MICAL3: variants seen among roughly 807,000 people sequenced by gnomAD.
MICAL3 encodes the protein [F-actin]-monooxygenase MICAL3.
Under a neutral mutation model 207.4 loss-of-function variants are expected in MICAL3, and 62 were observed. The ratio of observed to expected loss-of-function variants is 0.30; its 90% CI spans 0.24 to 0.37. The LOEUF is 0.37. Among genes scored for constraint, MICAL3 ranks in the 10% least tolerant of loss-of-function variants. The pLI, the probability that MICAL3 is intolerant of heterozygous loss-of-function variation, is 1.00. For synonymous variants in MICAL3, 1,077 were observed against 1,069.3 expected (o/e 1.01, Z -0.14); for missense variants, 2,368 against 2,635.6 (o/e 0.90, Z 2.22).
intron 1 of MICAL3, among the ~76,000 whole-genome samples, chr22:17,935,761 C>T (rs1933487273): frequency 6.6e-6 from 1 of 152,108 alleles, no homozygotes; most frequent in African/African-American, 2.4e-5. Context: ...AAAAAGTGGG[C>T]AAAGAATATG....
intron 16 of MICAL3, chr22:17,876,796 AAGTTAT>A (rs1569109055): frequency 1.3e-4 from 16 of 120,158 alleles, no homozygotes; most frequent in East Asian, 4.8e-4. Context: ...GAGGTTAGGG[AAGTTAT>A]GGAGGTTAGG....
chr22:17,812,554 T>C (rs975969900), intron 27 of MICAL3: 3 of 985,676 alleles, frequency 3.0e-6, no homozygotes, highest in Non-Finnish European at 3.6e-6. Flanking sequence ...GGTACATAAA[T>C]TGACTTTTAA....
rs181780206 is a variant in MICAL3, at chr22:17,901,223, T to C, written c.692-226A>G. Among the ~76,000 whole-genome samples, 13 of 152,312 alleles carry C rather than the reference T, an allele frequency of 8.5e-5. No individual in the cohort carries two copies. In the South Asian group the frequency reaches 2.7e-3, roughly 32 times the overall value. On this transcript the variant is annotated intron_variant, in intron 5 of 31. Coordinates refer to ENST00000441493, the MANE Select transcript of MICAL3 (RefSeq NM_015241.3). ...CTCCATTAACAAACAATTTGAAATC[T>C]GACTGGCCAGAATATTACTCAGTAC... is the stretch of plus-strand genomic sequence containing the variant.
chr22:17,817,916 A>G lies in MICAL3; in HGVS notation c.4745T>C (p.Leu1582Pro), dbSNP rs1569077829. Residue 1582 changes from leucine to proline, a missense_variant, in exon 26 of 32, where the codon CTG (leucine) becomes CCG (proline). Physicochemically the swap from Leu to Pro is moderately conservative, Grantham distance 98. Transcript: ENST00000441493. Reference protein sequence around the residue: ...EGTLQPQKRGLPLVSAEAKEL... With the variant: ...EGTLQPQKRGPPLVSAEAKEL... ...CTTGGCTTCCGCGGACACCAAGGGC[A>G]GCCCCCTCTTCTGTGGCTGCAGCGT... 6.2e-7 allele frequency: 1 copy of G among 1,612,442 alleles called. No homozygotes were observed. Among genetic ancestry groups the G allele is most frequent in the Non-Finnish European group, 8.5e-7 (1 of 1,179,782 alleles).
Position 17,823,029 on chromosome 22 carries a change from A to G in MICAL3, c.3225T>C (p.Asp1075=). The G allele has an allele frequency of 1.2e-6, 2 of 1,613,526 alleles. No individual in the cohort carries two copies. Among genetic ancestry groups the G allele is most frequent in the African/African-American group, 1.3e-5 (1 of 75,010 alleles). ...CTATCTCGGCTGGTTCTGAGTCCAC[A>G]TCTTCCTCTAGGTCATTCTCATCCA... is the stretch of plus-strand genomic sequence containing the variant. The part of the protein sequence containing the change: ...APLDENDLEE[D]VDSEPAEIEG... Residue 1075 remains aspartate (D), a synonymous_variant, in exon 23 of 32, where the codon GAT becomes GAC. Transcript: ENST00000441493.
chr22:17,893,234 C>T (rs940285877), intron 11 of MICAL3, among the ~76,000 whole-genome samples: 11 of 152,260 alleles, frequency 7.2e-5, no homozygotes, highest in Admixed American at 6.5e-4. Flanking sequence ...CTGACTATGG[C>T]GAGGTCTTTC....
At chr22:17,814,620 C>T (rs562910553) in intron 27 of MICAL3, 60 of 152,320 alleles carry the variant, frequency 3.9e-4, no homozygotes, top group African/African-American at 1.2e-3. Context: ...ACCCAGCCCT[C>T]GCTCAGGCTG....
At chr22:18,023,045 G>C (rs1924584905) in intron 1 of MICAL3, among the ~76,000 whole-genome samples, 1 of 152,128 alleles carries the variant, frequency 6.6e-6, no homozygotes, top group Non-Finnish European at 1.5e-5. Flanking sequence ...TAGCTTGTAG[G>C]CATTTATGAC....
chr22:17,950,401 T>C (rs1027083276), intron 1 of MICAL3, among the ~76,000 whole-genome samples: 10 of 128,678 alleles, frequency 7.8e-5, no homozygotes, highest in African/African-American at 2.7e-4. Context: ...TGGAGCGCAA[T>C]TGATCCTGGT....
Position 17,841,535 on chromosome 22 carries a change from G to A in MICAL3, c.2801+287C>T, listed in dbSNP as rs750558. The A allele has an allele frequency of 0.25, 139,570 of 553,244 alleles. 18,473 individuals carry two copies. Among genetic ancestry groups the A allele is most frequent in the Non-Finnish European group, 0.29 (88,897 of 309,646 alleles). The allele number at this position is 553,244 out of a possible 1,614,324, so 34.3% of individuals were successfully genotyped here. On this transcript the variant is annotated intron_variant, in intron 20 of 31. Coordinates refer to ENST00000441493, the MANE Select transcript of MICAL3 (RefSeq NM_015241.3). This position sits in a 1 kb window ranked among gnomAD's most constrained non-coding sequence, Gnocchi z 4.2. ...CCTCTGCTGAATCTGTGAATAACCCGGGGGCAGAGCCTGCCACTTTCCTTC... is the reference window on the plus strand; with the variant it reads ...CCTCTGCTGAATCTGTGAATAACCCAGGGGCAGAGCCTGCCACTTTCCTTC...
intron 20 of MICAL3, among the ~76,000 whole-genome samples, chr22:17,834,044 A>T (rs943878193): frequency 6.6e-6 from 1 of 152,200 alleles, no homozygotes; most frequent in Non-Finnish European, 1.5e-5. Context: ...CAAACTATCA[A>T]ACCTGTGGGT....
intron 1 of MICAL3, among the ~76,000 whole-genome samples, chr22:17,980,531 A>G (rs9605474): frequency 0.27 from 40,821 of 151,994 alleles, 5,895 homozygotes; most frequent in African/African-American, 0.37. Context: ...AGAGTCTTGA[A>G]CACAGGAATT....
rs1425556819 is a variant in MICAL3, at chr22:17,901,930, C to G, written c.639G>C (p.Glu213Asp). The G allele has an allele frequency of 6.2e-7, 1 of 1,613,796 alleles. No individual in the cohort carries two copies. Among genetic ancestry groups the G allele is most frequent in the Non-Finnish European group, 8.5e-7 (1 of 1,179,872 alleles). The change falls in exon 5 of 32, where the codon GAG becomes GAC. Residue 213 changes from glutamate (E) to aspartate (D), a missense_variant. Around this residue, in one of 4 missense-constraint regions of MICAL3, gnomAD observed 400 missense variants for 547.0 expected, o/e 0.73. Transcript: ENST00000441493. ...LVHPKTHPVS[E>D]YEFEVIIGGD... ...CACCGATGATCACTTCAAATTCATA[C>G]TCTGACACAGGATGAGTCTTGGGGT...
At chr22:17,985,125 G>GCC (rs879457484) in intron 1 of MICAL3, among the ~76,000 whole-genome samples, 46,466 of 152,058 alleles carry the variant, frequency 0.31, 7,364 homozygotes, top group East Asian at 0.51. Flanking sequence ...GAGGGAGTCT[G>GCC]CATGCAATAT....
rs5992875 is a variant in MICAL3, at chr22:17,841,860, G to A, written c.2763C>T (p.Ser921=). 1.9e-3 allele frequency: 3,025 copies of A among 1,568,690 alleles called. 51 individuals are homozygous for A. In the African/African-American group the frequency reaches 0.033, roughly 17 times the overall value. Residue 921 remains serine, a synonymous_variant, in exon 20 of 32, where the codon AGC becomes AGT. Coordinates refer to ENST00000441493, the MANE Select transcript of MICAL3 (RefSeq NM_015241.3). The surrounding 1 kb of genome is among the most constrained non-coding windows in gnomAD (Gnocchi z 4.2). ...CCTCCTCGGCGCCCGTGTCCAGCAC[G>A]CTGCTCAGGTTGTGCTCGGCCTGAG... is the stretch of plus-strand genomic sequence containing the variant. The part of the protein sequence containing the change: ...EETQAEHNLS[S]VLDTGAEEDV...
Position 17,896,617 on chromosome 22 carries a change from C to T in MICAL3, c.1206+107G>A, listed in dbSNP as rs1930860468. The stretch of plus-strand genomic sequence containing the variant: ...GGTGTGACTCCTGCAGGGAGTTTAC[C>T]TGTGCTGTACAACACTGCAGACGCT... On this transcript the variant is annotated intron_variant, in intron 8 of 31. Coordinates refer to ENST00000441493, the MANE Select transcript of MICAL3 (RefSeq NM_015241.3). 4 of 1,182,242 alleles carry T rather than the reference C, an allele frequency of 3.4e-6. No individual in the cohort carries two copies. The South Asian group carries it at 6.0e-5, about 18-fold the overall frequency. The allele number at this position is 1,182,242 out of a possible 1,614,324, so 73.2% of individuals were successfully genotyped here.
Position 17,949,185 on chromosome 22 carries a change from G to C in MICAL3, c.-74-42299C>G, listed in dbSNP as rs184892896. 8.2e-4 allele frequency among the ~76,000 whole-genome samples: 125 copies of C among 152,368 alleles called. 2 individuals are homozygous for C. The highest frequency in any genetic ancestry group is 2.8e-3 in the African/African-American group (118 of 41,588). On this transcript the variant is annotated intron_variant, in intron 1 of 31. Transcript: ENST00000441493. Reference sequence around the variant, plus strand: ...AGATCGTGCCACTGCACTCAAGCCTGGGTGACAGAGTGAGAAATTATCTCG... The same window carrying C: ...AGATCGTGCCACTGCACTCAAGCCTCGGTGACAGAGTGAGAAATTATCTCG...
At chr22:18,014,229 G>A (rs936833922) in intron 1 of MICAL3, among the ~76,000 whole-genome samples, 4 of 151,992 alleles carry the variant, frequency 2.6e-5, no homozygotes, top group African/African-American at 4.8e-5. Flanking sequence ...TAATACAATC[G>A]AATTCTCCCA....
At chr22:17,835,974 C>T (rs1923318670) in intron 20 of MICAL3, among the ~76,000 whole-genome samples, 2 of 152,192 alleles carry the variant, frequency 1.3e-5, no homozygotes, top group Admixed American at 1.3e-4. Flanking sequence ...CCCCGACTGT[C>T]CCCCGGTAAA....
Sources: allele counts gnomAD v4.1 joint callset (sites outside exome capture counted in the v4.1 genomes callset), GRCh38; gene constraint gnomAD v4.1.1; regional missense constraint gnomAD v4.1.1; non-coding constraint Gnocchi (gnomAD v3.1); transcripts MANE v1.5; gene names NCBI Gene and HGNC (gene_info 2026-07-23, HGNC 2026-07-21).